The following PCSK5 variants were observed in gnomAD, a reference collection of about 807,000 sequenced individuals.
PCSK5 encodes prohormone convertase 5.
PCSK5 carries 129 observed loss-of-function variants against 233.2 expected under a neutral mutation model. The observed-to-expected ratio is 0.55, with a 90% CI of 0.48 to 0.64. PCSK5 has a LOEUF of 0.64. PCSK5 is among the 30% of genes least tolerant of loss of function. The probability of loss-of-function intolerance (pLI) is 0.00; values close to 1 mark genes in which losing one functional copy is unlikely to be tolerated. For synonymous variants in PCSK5, 825 were observed against 879.2 expected (o/e 0.94, Z 1.09); for missense variants, 2,076 against 2,430.1 (o/e 0.85, Z 3.06).
chr9:75,932,541 T>C, intron 2 of PCSK5, 58 bp downstream of exon 2: 1 of 981,398 alleles, frequency 1.0e-6, no homozygotes, highest in Non-Finnish European at 1.7e-6. Flanking sequence ...TTTTCATTGG[T>C]AATAACACAC....
intron 18 of PCSK5, 77 bp downstream of exon 18, chr9:76,188,752 C>A: frequency 2.0e-6 from 2 of 985,578 alleles, no homozygotes. Context: ...ATCACTCATG[C>A]AACCCACTTG....
intron 20 of PCSK5, among the ~76,000 whole-genome samples, chr9:76,217,132 C>T (rs1825564381): frequency 6.6e-6 from 1 of 152,210 alleles, no homozygotes; most frequent in Non-Finnish European, 1.5e-5. Flanking sequence ...ATTACCCAGC[C>T]ATTACTATGC....
At chr9:76,144,935 G>T (rs564707194) in intron 10 of PCSK5, among the ~76,000 whole-genome samples, 470 of 152,252 alleles carry the variant, frequency 3.1e-3, no homozygotes, top group Non-Finnish European at 5.0e-3. Flanking sequence ...AGACCAGCCT[G>T]GCCAACATGG....
chr9:76,230,038 C>T (rs1826026194), intron 21 of PCSK5, among the ~76,000 whole-genome samples: 1 of 152,124 alleles, frequency 6.6e-6, no homozygotes, highest in Admixed American at 6.5e-5. Flanking sequence ...TTCATCAGAC[C>T]CATTTTCTAC....
At chr9:76,239,269 C>T (rs561320267) in intron 23 of PCSK5, 104 bp downstream of exon 23, 279 of 928,110 alleles carry the variant, frequency 3.0e-4, no homozygotes, top group Non-Finnish European at 4.4e-4. Context: ...TGCATGTCAG[C>T]ACTTGGGATG....
intron 2 of PCSK5, among the ~76,000 whole-genome samples, chr9:75,941,325 T>TTG (rs1029806051): frequency 1.1e-4 from 17 of 152,192 alleles, no homozygotes; most frequent in Admixed American, 3.9e-4. Context: ...GGCTTTGGCC[T>TTG]TGTGTTTCTG....
intron 7 of PCSK5, among the ~76,000 whole-genome samples, chr9:76,078,504 G>T (rs1830718274): frequency 6.6e-6 from 1 of 152,162 alleles, no homozygotes; most frequent in Admixed American, 6.5e-5. Context: ...AGACTAGCCA[G>T]TTATCCCAGC....
chr9:76,090,058 C>T (rs1414879856), intron 7 of PCSK5, among the ~76,000 whole-genome samples: 1 of 152,280 alleles, frequency 6.6e-6, no homozygotes, highest in East Asian at 1.9e-4. Flanking sequence ...TAATGGAGCA[C>T]TCAATTAAAT....
intron 6 of PCSK5, 52 bp downstream of exon 6, chr9:76,068,095 G>T (rs752293398): frequency 1.6e-6 from 2 of 1,266,550 alleles, no homozygotes; most frequent in Non-Finnish European, 2.3e-6. Context: ...TAGCTCTTTG[G>T]CTGACTGGCT....
intron 9 of PCSK5, among the ~76,000 whole-genome samples, chr9:76,116,571 G>A (rs965194782): frequency 3.3e-5 from 5 of 151,324 alleles, no homozygotes; most frequent in African/African-American, 7.3e-5. Context: ...ATGCTGCATA[G>A]TGCAAAAAGA....
At chr9:75,896,635 G>A (rs752890798) in intron 1 of PCSK5, among the ~76,000 whole-genome samples, 84 of 152,158 alleles carry the variant, frequency 5.5e-4, no homozygotes, top group Non-Finnish European at 9.3e-4. Flanking sequence ...ATCAATGACA[G>A]AAAAGCTGAC....
intron 24 of PCSK5, among the ~76,000 whole-genome samples, chr9:76,265,119 G>A (rs1827293930): frequency 6.6e-6 from 1 of 152,142 alleles, no homozygotes. Context: ...CATGGATGCA[G>A]ATGGAGGCCA....
At chr9:76,001,388 A>C (rs1827254133) in intron 3 of PCSK5, among the ~76,000 whole-genome samples, 1 of 151,756 alleles carries the variant, frequency 6.6e-6, no homozygotes, top group Admixed American at 6.6e-5. Context: ...GAATCTTCTC[A>C]AGATGAGCTA....
chr9:76,259,552 T>C (rs1450470259), intron 24 of PCSK5, among the ~76,000 whole-genome samples: 1 of 152,098 alleles, frequency 6.6e-6, no homozygotes, highest in Non-Finnish European at 1.5e-5. Context: ...TTTTGATGTT[T>C]TATTGACTTT....
intron 22 of PCSK5, among the ~76,000 whole-genome samples, chr9:76,235,698 C>T (rs907262315): frequency 2.0e-5 from 3 of 152,114 alleles, no homozygotes; most frequent in Non-Finnish European, 2.9e-5. Context: ...TGGTAGAAAT[C>T]CTATCCCAGA....
intron 33 of PCSK5, among the ~76,000 whole-genome samples, chr9:76,331,528 G>A (rs1829535000): frequency 6.6e-6 from 1 of 152,100 alleles, no homozygotes; most frequent in African/African-American, 2.4e-5. Context: ...TTAGCTGGGT[G>A]TGGTGGCAGG....
intron 20 of PCSK5, among the ~76,000 whole-genome samples, chr9:76,212,703 A>C (rs1825377204): frequency 1.3e-5 from 2 of 152,232 alleles, no homozygotes; most frequent in African/African-American, 4.8e-5. Flanking sequence ...TTTATCAGTC[A>C]TAATGACATT....
chr9:76,089,684 G>T (rs1253734181), intron 7 of PCSK5, among the ~76,000 whole-genome samples: 1 of 152,072 alleles, frequency 6.6e-6, no homozygotes, highest in Admixed American at 6.6e-5. Flanking sequence ...AGCAATACAG[G>T]AGAAGAAAGT....
chr9:76,225,248 G>A (rs1166418520), intron 20 of PCSK5, among the ~76,000 whole-genome samples: 1 of 152,150 alleles, frequency 6.6e-6, no homozygotes, highest in Non-Finnish European at 1.5e-5. Context: ...CACGAGTAGG[G>A]TCTTTTTAAT....
Sources: allele counts gnomAD v4.1 joint callset (sites outside exome capture counted in the v4.1 genomes callset), GRCh38; gene constraint gnomAD v4.1.1; transcripts MANE v1.5; gene names NCBI Gene and HGNC (gene_info 2026-07-23, HGNC 2026-07-21).